TTN: variants seen among roughly 807,000 people sequenced by gnomAD.
TTN encodes connectin.
Under a neutral mutation model 3,223.0 loss-of-function variants are expected in TTN, and 1,525 were observed. The observed-to-expected ratio is 0.47, with a 90% confidence interval of 0.45 to 0.49. The LOEUF is 0.49. TTN is among the 20% of genes least tolerant of loss of function. The pLI is 0.00. For missense variants in TTN, 40,786 were observed against 43,424.0 expected (o/e 0.94, Z 5.40); for synonymous variants, 14,094 against 15,161.0 (o/e 0.93, Z 5.17).
Position 178,568,752 on chromosome 2 carries a change from G to C in TTN, c.77380C>G (p.Leu25794Val). The C allele has an allele frequency of 6.2e-7, 1 of 1,612,990 alleles. No homozygotes were observed. The highest frequency in any genetic ancestry group is 1.1e-5 in the South Asian group (1 of 91,006). The change falls in exon 326 of 363, where the codon CTG becomes GTG. Residue 25794 changes from leucine to valine, a missense_variant. Physicochemically the swap from Leu to Val is conservative, Grantham distance 32. Transcript: ENST00000589042. ...SLAVPIVAKD[L>V]VIEPDVKPAF... is the part of the protein sequence containing the mutation. The stretch of plus-strand genomic sequence containing the variant: ...GGTTTTACATCTGGCTCAATTACCA[G>C]ATCTTTGGCAACTATTGGAACTGCA...
At position 178,593,424 on chromosome 2, in the gene TTN, G is replaced by A. The variant is rs1354326243; in HGVS notation, c.58784C>T (p.Ser19595Phe). ...QPIVTEVTKD[S>F]ALVTWNKPHD... ...TGGCTTATTCCAGGTTACTAATGCA[G>A]AGTCTTTGGTAACTTCTGTAACAAT... Residue 19595 changes from serine (S) to phenylalanine (F), a missense_variant, in exon 299 of 363, where the codon TCT becomes TTT. Ser to Phe is a radical substitution (Grantham distance 155). Transcript: ENST00000589042. 4 of 1,613,158 alleles carry A rather than the reference G, an allele frequency of 2.5e-6. No individual in the cohort carries two copies. Among genetic ancestry groups the A allele is most frequent in the Non-Finnish European group, 3.4e-6 (4 of 1,179,566 alleles).
chr2:178,715,343 CAG>C (rs2077324319), intron 89 of TTN, 79 bp from the exon 90 acceptor site: 2 of 1,515,148 alleles, frequency 1.3e-6, no homozygotes, highest in Admixed American at 2.2e-5. Context: ...TCCACTCCAT[CAG>C]AGAGATAGAG....
intron 149 of TTN, 72 bp downstream of exon 149, chr2:178,675,599 A>G (rs1265586419): frequency 2.6e-6 from 3 of 1,155,388 alleles, no homozygotes; most frequent in Admixed American, 3.5e-5. Flanking sequence ...ATTTATGTTG[A>G]GTGTCCTGTG....
chr2:178,581,624 G>T lies in TTN; in HGVS notation c.66644C>A (p.Thr22215Asn). 1 of 1,612,742 alleles carries T rather than the reference G, an allele frequency of 6.2e-7. No homozygotes were observed. The highest frequency in any genetic ancestry group is 1.1e-5 in the South Asian group (1 of 91,036). Residue 22215 changes from threonine to asparagine, a missense_variant, in exon 316 of 363, where the codon ACC becomes AAC. Physicochemically the swap from Thr to Asn is moderately conservative, Grantham distance 65. Coordinates refer to ENST00000589042, the MANE Select transcript of TTN (RefSeq NM_001267550.2). The part of the protein sequence containing the change: ...RCNLPQNLQK[T>N]RFEVTGLMED... ...CATCAGGCCAGTAACCTCAAAGCGGGTTTTCTGTAGATTCTGTGGTAAGTT... is the reference window on the plus strand; with the variant it reads ...CATCAGGCCAGTAACCTCAAAGCGGTTTTTCTGTAGATTCTGTGGTAAGTT...
chr2:178,767,931 A>G lies in TTN; in HGVS notation c.9306-7T>C, dbSNP rs778869518. On this transcript the variant is annotated splice_polypyrimidine_tract_variant and splice_region_variant and intron_variant, in intron 39 of 362. Coordinates refer to ENST00000589042, the MANE Select transcript of TTN (RefSeq NM_001267550.2). ...CTCCTTCTGAATCTTTATTCTATGG[A>G]TGAAATGGAAATTCGAGTTTACCGT... 1.9e-6 allele frequency: 3 copies of G among 1,614,094 alleles called. No homozygotes were observed. The highest frequency in any genetic ancestry group is 2.5e-6 in the Non-Finnish European group (3 of 1,179,992).
At chr2:178,637,585 T>C (rs1560002661) in intron 223 of TTN, among the ~76,000 whole-genome samples, 166 bp from the exon 224 acceptor site, 2 of 152,044 alleles carry the variant, frequency 1.3e-5, no homozygotes, top group African/African-American at 4.8e-5. Context: ...CAGGAAGGCA[T>C]ATTCTGAGAC....
In TTN at chr2:178,526,961, A is replaced by G; in HGVS notation, c.*51T>C. On this transcript the variant is annotated 3_prime_UTR_variant, in exon 363 of 363. Coordinates refer to ENST00000589042, the MANE Select transcript of TTN (RefSeq NM_001267550.2). ...GTTCAGAAAGATTAGTCCGTGTGAA[A>G]CGTTTGCGAAAAGTTAAGAATGAGT... 6.8e-7 allele frequency: 1 copy of G among 1,466,824 alleles called. No homozygotes were observed. Among genetic ancestry groups the G allele is most frequent in the South Asian group, 1.5e-5 (1 of 66,468 alleles). 90.9% of individuals were successfully genotyped at this position (1,466,824 alleles called of 1,614,324 possible).
rs1399942030 is a variant in TTN, at chr2:178,777,142, T to C, written c.4814+7A>G. The stretch of plus-strand genomic sequence containing the variant: ...AATGAGCTTAGCTTTATTATTTCCA[T>C]ACTTACCTGATTTTGGGATATTTAT... On this transcript the variant is annotated splice_region_variant and intron_variant, in intron 27 of 362. Transcript: ENST00000589042. The C allele has an allele frequency of 6.2e-7, 1 of 1,614,110 alleles. No individual in the cohort carries two copies. Among genetic ancestry groups the C allele is most frequent in the East Asian group, 2.2e-5 (1 of 44,870 alleles).
chr2:178,668,448 G>A (rs954128027), intron 159 of TTN, among the ~76,000 whole-genome samples: 6 of 152,128 alleles, frequency 3.9e-5, no homozygotes, highest in Non-Finnish European at 8.8e-5. Flanking sequence ...AAATGGAAGC[G>A]GGTCTGGTGT....
chr2:178,732,148 G>A lies in TTN; in HGVS notation c.16821C>T (p.Gly5607=). 6.2e-7 allele frequency: 1 copy of A among 1,613,778 alleles called. No homozygotes were observed. The highest frequency in any genetic ancestry group is 8.5e-7 in the Non-Finnish European group (1 of 1,179,750). Residue 5607 remains glycine, a synonymous_variant, in exon 57 of 363, where the codon GGC becomes GGT. Coordinates refer to ENST00000589042, the MANE Select transcript of TTN (RefSeq NM_001267550.2). ...ACATATATTCACCACTGTCTTCGATGCCAACATCTGTCAGTCTTAGAACTG... is the reference window on the plus strand; with the variant it reads ...ACATATATTCACCACTGTCTTCGATACCAACATCTGTCAGTCTTAGAACTG... ...STAVLRLTDV[G]IEDSGEYMCE... is the part of the protein sequence containing the mutation.
Position 178,722,789 on chromosome 2 carries a change from C to T in TTN, c.22110G>A (p.Arg7370=). 1 of 1,613,256 alleles carries T rather than the reference C, an allele frequency of 6.2e-7. No homozygotes were observed. Among genetic ancestry groups the T allele is most frequent in the Non-Finnish European group, 8.5e-7 (1 of 1,179,540 alleles). The change falls in exon 76 of 363, where the codon AGG becomes AGA. Residue 7370 remains arginine (R), a synonymous_variant. Coordinates refer to ENST00000589042, the MANE Select transcript of TTN (RefSeq NM_001267550.2). ...TGGCCACATTGTTTGTAAAGTAGGTCCTGTATTCAGGAGTTGGCCGTAATT... is the reference window on the plus strand; with the variant it reads ...TGGCCACATTGTTTGTAAAGTAGGTTCTGTATTCAGGAGTTGGCCGTAATT... The part of the protein sequence containing the change: ...DTKLRPTPEY[R]TYFTNNVATL...
chr2:178,608,280 A>C lies in TTN; in HGVS notation c.52603T>G (p.Leu17535Val). 1 of 1,612,072 alleles carries C rather than the reference A, an allele frequency of 6.2e-7. No homozygotes were observed. Reference protein sequence around the residue: ...NALKANVDGLLEGLTYVFRVC... With the variant: ...NALKANVDGLVEGLTYVFRVC... ...CTGAAGACATAGGTGAGTCCTTCTA[A>C]TAAGCCATCTACATTGGCTTTCAAG... The change falls in exon 275 of 363, where the codon TTA (leucine) becomes GTA (valine). Residue 17535 changes from leucine (L) to valine (V), a missense_variant. Physicochemically the swap from Leu to Val is conservative, Grantham distance 32 (BLOSUM62 1). Coordinates refer to ENST00000589042, the MANE Select transcript of TTN (RefSeq NM_001267550.2).
chr2:178,638,876 C>T (rs1449554113), intron 223 of TTN, among the ~76,000 whole-genome samples: 1 of 151,952 alleles, frequency 6.6e-6, no homozygotes, highest in African/African-American at 2.4e-5. Context: ...TATGAGTGAT[C>T]TCATCACCCA....
Position 178,564,860 on chromosome 2 carries a change from A to T in TTN, c.81272T>A (p.Val27091Glu). ...ATCATTCACTGGCTCATGCCATTGC[A>T]CAAGCATCTGATCTTTTGAGATTGA... ...VTSISKDQML[V>E]QWHEPVNDGG... The change falls in exon 326 of 363, where the codon GTG (valine) becomes GAG (glutamate). Residue 27091 changes from valine to glutamate, a missense_variant. Physicochemically the swap from Val to Glu is moderately radical, Grantham distance 121. Coordinates refer to ENST00000589042, the MANE Select transcript of TTN (RefSeq NM_001267550.2). 6.2e-7 allele frequency: 1 copy of T among 1,613,046 alleles called. No individual in the cohort carries two copies. Among genetic ancestry groups the T allele is most frequent in the Non-Finnish European group, 8.5e-7 (1 of 1,179,562 alleles).
intron 41 of TTN, among the ~76,000 whole-genome samples, chr2:178,765,981 G>C (rs1258693655): frequency 1.3e-5 from 2 of 152,094 alleles, no homozygotes; most frequent in African/African-American, 4.8e-5. Context: ...AGTTCTCCCA[G>C]GCACTCCATA....
intron 297 of TTN, 33 bp downstream of exon 297, chr2:178,593,928 G>GA: frequency 1.9e-6 from 3 of 1,609,260 alleles, no homozygotes; most frequent in Non-Finnish European, 2.5e-6. Flanking sequence ...TGAAAGAACA[G>GA]AAGATCTATT....
At chr2:178,760,138 AG>A (rs1187945401) in intron 43 of TTN, among the ~76,000 whole-genome samples, 4 of 152,210 alleles carry the variant, frequency 2.6e-5, no homozygotes, top group African/African-American at 7.2e-5. Flanking sequence ...TGTCTATAAA[AG>A]TTACTCTCCT....
chr2:178,606,879 A>G, intron 278 of TTN, 142 bp downstream of exon 278: 1 of 883,002 alleles, frequency 1.1e-6, no homozygotes, highest in African/African-American at 1.7e-5. Context: ...AATGTTGCTA[A>G]TAGTTTTTTG....
Position 178,548,238 on chromosome 2 carries a change from C to T in TTN, c.93388G>A (p.Ala31130Thr), listed in dbSNP as rs759107930. 3.7e-5 allele frequency: 59 copies of T among 1,613,666 alleles called. No individual in the cohort carries two copies. Among genetic ancestry groups the T allele is most frequent in the Non-Finnish European group, 4.6e-5 (54 of 1,179,810 alleles). ...TCAGGTTTAAGCCAAGCTAAGACTG[C>T]GGAGGATTTGCTAGTATCAACAACA... ...LDVVDTSKSS[A>T]VLAWLKPDHD... Residue 31130 changes from alanine to threonine, a missense_variant, in exon 339 of 363, where the codon GCA becomes ACA. Physicochemically the swap from Ala to Thr is moderately conservative, Grantham distance 58 (BLOSUM62 0). Transcript: ENST00000589042. This position sits in a 1 kb window ranked among gnomAD's most constrained non-coding sequence, Gnocchi z 4.3.
Sources: allele counts gnomAD v4.1 joint callset (sites outside exome capture counted in the v4.1 genomes callset), GRCh38; gene constraint gnomAD v4.1.1; non-coding constraint Gnocchi (gnomAD v3.1); transcripts MANE v1.5; gene names NCBI Gene and HGNC (gene_info 2026-07-23, HGNC 2026-07-21).